SPATS2: variants seen among roughly 807,000 people sequenced by gnomAD.
The protein encoded by SPATS2 is spermatogenesis-associated serine-rich protein 2.
In SPATS2, 38 loss-of-function variants were observed where a neutral mutation model predicts 63.7. The observed-to-expected ratio is 0.60, with a 90% confidence interval of 0.46 to 0.78. The LOEUF (loss-of-function observed/expected upper bound fraction) is 0.78, where lower values mean the gene tolerates loss of function less well. Ranked by LOEUF, SPATS2 falls within the 30% of genes least tolerant of loss-of-function variation. SPATS2 has a pLI of 0.00. For synonymous variants in SPATS2, 207 were observed against 232.9 expected (o/e 0.89, Z 1.01); for missense variants, 588 against 666.2 (o/e 0.88, Z 1.29).
At chr12:49,476,280 A>G (rs1946116213) in intron 3 of SPATS2, among the ~76,000 whole-genome samples, 1 of 152,102 alleles carries the variant, frequency 6.6e-6, no homozygotes, top group Admixed American at 6.5e-5. Flanking sequence ...GCAGAATGAC[A>G]TGGAGTTTGG....
chr12:49,388,482 T>C (rs1944359856), intron 2 of SPATS2, among the ~76,000 whole-genome samples: 1 of 151,986 alleles, frequency 6.6e-6, no homozygotes, highest in Non-Finnish European at 1.5e-5. Flanking sequence ...CAATATATCC[T>C]CCTGCCTCAG....
In SPATS2 at chr12:49,460,867, A is replaced by AATTTCGAACAGCAGG; in HGVS notation, c.-139_-125dup. 1.3e-6 allele frequency: 1 copy of AATTTCGAACAGCAGG among 757,420 alleles called. No homozygotes were observed. Among genetic ancestry groups the AATTTCGAACAGCAGG allele is most frequent in the Admixed American group, 2.7e-5 (1 of 37,492 alleles). 46.9% of individuals were successfully genotyped at this position (757,420 alleles called of 1,614,324 possible). The stretch of plus-strand genomic sequence containing the variant: ...AAGGAGATTAACAGCTAGTGAGCAG[A>AATTTCGAACAGCAGG]ATTTCGAACAGCAGGATTTCGTATT... On this transcript the variant is annotated 5_prime_UTR_variant, in exon 3 of 14. Coordinates refer to ENST00000552918, the MANE Select transcript of SPATS2 (RefSeq NM_023071.4).
intron 2 of SPATS2, among the ~76,000 whole-genome samples, chr12:49,434,528 T>A (rs1417678291): frequency 6.6e-6 from 1 of 152,188 alleles, no homozygotes; most frequent in Non-Finnish European, 1.5e-5. Flanking sequence ...CCCATTCCGA[T>A]AAATATAAAA....
intron 5 of SPATS2, among the ~76,000 whole-genome samples, chr12:49,489,957 A>T (rs1946356810): frequency 6.6e-6 from 1 of 152,206 alleles, no homozygotes; most frequent in Non-Finnish European, 1.5e-5. Flanking sequence ...TGTCTTCCGG[A>T]TTCTAATATC....
intron 2 of SPATS2, among the ~76,000 whole-genome samples, chr12:49,453,890 T>A (rs1031992876): frequency 8.9e-6 from 1 of 112,946 alleles, no homozygotes; most frequent in South Asian, 2.7e-4. Flanking sequence ...TGAGACGGAG[T>A]CTTGCTCTGT....
intron 2 of SPATS2, among the ~76,000 whole-genome samples, chr12:49,372,331 C>T (rs372814216): frequency 6.6e-6 from 1 of 152,192 alleles, no homozygotes; most frequent in East Asian, 1.9e-4. Flanking sequence ...ATGCGTGAAC[C>T]ACTGTGGCCT....
intron 4 of SPATS2, among the ~76,000 whole-genome samples, chr12:49,488,522 G>T (rs1259389243): frequency 6.6e-6 from 1 of 152,000 alleles, no homozygotes; most frequent in Non-Finnish European, 1.5e-5. Flanking sequence ...GCTGGACGTG[G>T]TGGCACATGC....
At chr12:49,443,531 A>G (rs1354628614) in intron 2 of SPATS2, among the ~76,000 whole-genome samples, 2 of 145,734 alleles carry the variant, frequency 1.4e-5, no homozygotes, top group South Asian at 2.1e-4. Context: ...TTTTTCTTTT[A>G]TAGATTGTAT....
At chr12:49,404,903 T>C (rs767759625) in intron 2 of SPATS2, among the ~76,000 whole-genome samples, 2 of 152,160 alleles carry the variant, frequency 1.3e-5, no homozygotes, top group Non-Finnish European at 2.9e-5. Flanking sequence ...AAGGAGAATA[T>C]TTTGTGACAC....
chr12:49,494,063 C>T (rs1253691517), intron 6 of SPATS2, among the ~76,000 whole-genome samples: 1 of 152,144 alleles, frequency 6.6e-6, no homozygotes, highest in Non-Finnish European at 1.5e-5. Flanking sequence ...ATAGAAATCA[C>T]TTTGCATATG....
chr12:49,519,537 C>T (rs892943012), intron 11 of SPATS2, among the ~76,000 whole-genome samples: 2 of 152,174 alleles, frequency 1.3e-5, no homozygotes, highest in African/African-American at 4.8e-5. Context: ...TTCTGTTCAT[C>T]CATTCTGTCT....
At chr12:49,474,792 T>C (rs1946092039) in intron 3 of SPATS2, among the ~76,000 whole-genome samples, 1 of 152,114 alleles carries the variant, frequency 6.6e-6, no homozygotes, top group Non-Finnish European at 1.5e-5. Context: ...TATTAGTCTG[T>C]TTTTTTGCTG....
chr12:49,496,830 C>T lies in SPATS2; in HGVS notation c.527-3C>T, dbSNP rs1410869254. 1 of 1,613,842 alleles carries T rather than the reference C, an allele frequency of 6.2e-7. No homozygotes were observed. Among genetic ancestry groups the T allele is most frequent in the Non-Finnish European group, 8.5e-7 (1 of 1,179,878 alleles). On this transcript the variant is annotated splice_region_variant and splice_polypyrimidine_tract_variant and intron_variant, in intron 7 of 13. Transcript: ENST00000552918. Reference sequence around the variant, plus strand: ...CTAAAGTACAGTCCTCTTTCTTGGACAGGATCCATGCTGCAGAATGGTGTC... The same window carrying T: ...CTAAAGTACAGTCCTCTTTCTTGGATAGGATCCATGCTGCAGAATGGTGTC...
At chr12:49,469,279 CCTT>C (rs1478710809) in intron 3 of SPATS2, among the ~76,000 whole-genome samples, 1 of 150,522 alleles carries the variant, frequency 6.6e-6, no homozygotes, top group Non-Finnish European at 1.5e-5. Context: ...AATCCCAGCT[CCTT>C]GAGAGGCTGA....
intron 11 of SPATS2, 43 bp from the exon 12 acceptor site, chr12:49,522,708 G>C: frequency 6.7e-7 from 1 of 1,482,764 alleles, no homozygotes; most frequent in South Asian, 1.2e-5. Flanking sequence ...TTCCATGGAT[G>C]TTGTTTGTCT....
intron 2 of SPATS2, among the ~76,000 whole-genome samples, chr12:49,445,600 C>T (rs1391888937): frequency 6.6e-6 from 1 of 152,136 alleles, no homozygotes; most frequent in Admixed American, 6.6e-5. Flanking sequence ...TCACTGCAGC[C>T]TCAACCTCCC....
At position 49,527,310 on chromosome 12, in the gene SPATS2, A is replaced by C. The variant is rs550836405; in HGVS notation, c.*1055A>C. 8.7e-4 allele frequency: 131 copies of C among 150,902 alleles called. No individual in the cohort carries two copies. The highest frequency in any genetic ancestry group is 3.0e-3 in the African/African-American group (125 of 41,032). The allele number at this position is 150,902 out of a possible 1,614,324, so 9.3% of individuals were successfully genotyped here. A position where few individuals can be genotyped will look rare whatever the true frequency, so the allele number is the denominator to read the frequency against. ...TCTCCCTTTCCTGAACCCTATTCTG[A>C]TCCTGAACCAAATTTATAGCAATAT... On this transcript the variant is annotated 3_prime_UTR_variant, in exon 14 of 14. Transcript: ENST00000552918.
rs146502336 is a variant in SPATS2 at position 49,522,609 on chromosome 12, C to T, written c.1009-142C>T. ...TGAATGAATTTATTCGATCACCTGG[C>T]GTTGGTCATGTGATGGCCATTTAAT... On this transcript the variant is annotated intron_variant, in intron 11 of 13. Transcript: ENST00000552918. 7.1e-4 allele frequency: 401 copies of T among 568,182 alleles called. 1 individual carries two copies. In the African/African-American group the frequency reaches 7.1e-3, roughly 10 times the overall value. 35.2% of individuals were successfully genotyped at this position (568,182 alleles called of 1,614,324 possible).
chr12:49,500,457 A>G (rs1180636701), intron 9 of SPATS2, among the ~76,000 whole-genome samples: 5 of 152,164 alleles, frequency 3.3e-5, no homozygotes, highest in Non-Finnish European at 1.5e-5. Context: ...ACACATAATT[A>G]TAGAGTAGAT....
Sources: allele counts gnomAD v4.1 joint callset (sites outside exome capture counted in the v4.1 genomes callset), GRCh38; gene constraint gnomAD v4.1.1; transcripts MANE v1.5; gene names NCBI Gene and HGNC (gene_info 2026-07-23, HGNC 2026-07-21).